The following RHOU variants were observed in gnomAD, a reference collection of about 807,000 sequenced individuals.
RHOU encodes rho-related GTP-binding protein RhoU.
Under a neutral mutation model 12.6 loss-of-function variants are expected in RHOU, and 8 were observed. That is an observed-to-expected ratio of 0.64 (90% CI 0.37 to 1.15). The LOEUF (loss-of-function observed/expected upper bound fraction) is 1.15, where lower values mean the gene tolerates loss of function less well. Ranked by LOEUF, RHOU falls within the 50% of genes most tolerant of loss-of-function variation. The pLI is 0.01. For synonymous variants in RHOU, 161 were observed against 147.4 expected (o/e 1.09, Z -0.67); for missense variants, 258 against 347.0 (o/e 0.74, Z 2.04).
chr1:228,707,467 G>C, the RHOU span, among the ~76,000 whole-genome samples: 2 of 151,214 alleles, frequency 1.3e-5, no homozygotes, highest in Admixed American at 6.6e-5. Context: ...ATCTGAGAAC[G>C]GGCAGACTGC....
chr1:228,690,837 C>T, the RHOU span, among the ~76,000 whole-genome samples: 3,094 of 151,646 alleles, frequency 0.02, 106 homozygotes, highest in African/African-American at 0.071. Context: ...AGGCTGGTCT[C>T]GAACTCTTGA....
At chr1:228,662,934 TA>T in the RHOU span, among the ~76,000 whole-genome samples, 1 of 152,080 alleles carries the variant, frequency 6.6e-6, no homozygotes, top group Non-Finnish European at 1.5e-5. Context: ...TATTTCTGTT[TA>T]AATCACCATT....
the RHOU span, among the ~76,000 whole-genome samples, chr1:228,708,669 G>A: frequency 6.6e-6 from 1 of 151,854 alleles, no homozygotes; most frequent in African/African-American, 2.4e-5. Context: ...CACTAAACAT[G>A]GAAAGGAACA....
the RHOU span, among the ~76,000 whole-genome samples, chr1:228,686,942 G>A: frequency 6.6e-6 from 1 of 152,042 alleles, no homozygotes; most frequent in Non-Finnish European, 1.5e-5. Context: ...ATTTCACCAT[G>A]TTGGCCAGGC....
the RHOU span, among the ~76,000 whole-genome samples, chr1:228,702,865 G>GT: frequency 6.6e-6 from 1 of 152,112 alleles, no homozygotes; most frequent in Non-Finnish European, 1.5e-5. Context: ...CTTTCAAATA[G>GT]TTTTTCTTTT....
At chr1:228,671,712 C>CAAAAA in the RHOU span, among the ~76,000 whole-genome samples, 17 of 65,236 alleles carry the variant, frequency 2.6e-4, no homozygotes, top group African/African-American at 4.1e-4. Context: ...GACTCCATCT[C>CAAAAA]AAAAAAAAAA....
At chr1:228,687,758 G>A in the RHOU span, 25 of 1,399,702 alleles carry the variant, frequency 1.8e-5, no homozygotes, top group East Asian at 1.8e-4. Context: ...AGATGGGAGC[G>A]CCCGAATCTG....
the RHOU span, among the ~76,000 whole-genome samples, chr1:228,657,316 G>C: frequency 2.1e-5 from 2 of 94,002 alleles, no homozygotes; most frequent in Admixed American, 2.1e-4. Flanking sequence ...AAAAGAAAAA[G>C]AATAAAAAAA....
chr1:228,745,546 ATTAATCT>A lies in RHOU; in HGVS notation c.*1811_*1817del, dbSNP rs760914883. On this transcript the variant is annotated 3_prime_UTR_variant, in exon 3 of 3. Coordinates refer to ENST00000366691, the MANE Select transcript of RHOU (RefSeq NM_021205.6). ...AACAAATTTCTTTGTTTAACAAAAGATTAATCTTTAAACCACTAAAATACATAGACTG... is the reference window on the plus strand; with the variant it reads ...AACAAATTTCTTTGTTTAACAAAAGATTAAACCACTAAAATACATAGACTG... 1.3e-5 allele frequency: 2 copies of A among 152,268 alleles called. No individual in the cohort carries two copies. The highest frequency in any genetic ancestry group is 2.9e-5 in the Non-Finnish European group (2 of 68,048). 9.4% of individuals were successfully genotyped at this position (152,268 alleles called of 1,614,324 possible).
the RHOU span, among the ~76,000 whole-genome samples, chr1:228,660,831 G>T: frequency 1.3e-5 from 2 of 151,660 alleles, no homozygotes; most frequent in Non-Finnish European, 2.9e-5. Flanking sequence ...TAGTCAGGAG[G>T]CTGAGGCAGG....
chr1:228,712,831 ATAAAATAAAAT>A, the RHOU span, among the ~76,000 whole-genome samples: 14 of 71,448 alleles, frequency 2.0e-4, no homozygotes, highest in African/African-American at 6.6e-4. Context: ...AAATAAATAA[ATAAAATAAAAT>A]AAAATAAAAT....
the RHOU span, among the ~76,000 whole-genome samples, chr1:228,711,145 A>G: frequency 1.3e-5 from 2 of 151,620 alleles, no homozygotes; most frequent in African/African-American, 4.9e-5. Flanking sequence ...ACCACTGCTC[A>G]AGGAAATAAA....
At chr1:228,663,631 T>TTC in the RHOU span, among the ~76,000 whole-genome samples, 4 of 131,240 alleles carry the variant, frequency 3.0e-5, no homozygotes, top group African/African-American at 8.6e-5. Flanking sequence ...TTTTCTTTTT[T>TTC]TTTTTTTTTT....
chr1:228,707,310 C>A, the RHOU span, among the ~76,000 whole-genome samples: 6 of 133,158 alleles, frequency 4.5e-5, no homozygotes, highest in Non-Finnish European at 9.4e-5. Flanking sequence ...GTATAAAATA[C>A]CCAAAGCAGA....
chr1:228,687,380 A>G, the RHOU span: 1 of 900,990 alleles, frequency 1.1e-6, no homozygotes, highest in Non-Finnish European at 1.8e-6. Flanking sequence ...GGTACAACTT[A>G]TAGAAAAGGT....
the RHOU span, among the ~76,000 whole-genome samples, chr1:228,712,117 T>C: frequency 5.0e-4 from 76 of 151,892 alleles, 1 homozygote; most frequent in East Asian, 5.1e-3. Context: ...GAGATACCAT[T>C]TCACACCAGT....
chr1:228,744,548 C>G lies in RHOU; in HGVS notation c.*808C>G, dbSNP rs868025749. 6.6e-6 allele frequency: 1 copy of G among 152,192 alleles called. No individual in the cohort carries two copies. Among genetic ancestry groups the G allele is most frequent in the Non-Finnish European group, 1.5e-5 (1 of 68,048 alleles). The allele number at this position is 152,192 out of a possible 1,614,324, so 9.4% of individuals were successfully genotyped here. A position where few individuals can be genotyped will look rare whatever the true frequency, so the allele number is the denominator to read the frequency against. ...GACATTTGCTTTCGGTACTGTAATA[C>G]GTGCACCAAACTGCCTCAATCCTAG... On this transcript the variant is annotated 3_prime_UTR_variant, in exon 3 of 3. Coordinates refer to ENST00000366691, the MANE Select transcript of RHOU (RefSeq NM_021205.6).
the RHOU span, among the ~76,000 whole-genome samples, chr1:228,721,702 C>T: frequency 1.3e-5 from 2 of 152,208 alleles, no homozygotes; most frequent in Non-Finnish European, 2.9e-5. Context: ...CTCTGGTTGC[C>T]CAAGCTGGAG....
chr1:228,707,972 T>C, the RHOU span, among the ~76,000 whole-genome samples: 3 of 152,144 alleles, frequency 2.0e-5, no homozygotes, highest in Non-Finnish European at 2.9e-5. Flanking sequence ...AAGGAGCTGA[T>C]GGAGCTGAAA....
Sources: gnomAD v4.1 joint callset for allele counts (sites outside exome capture counted in the v4.1 genomes callset) on GRCh38, gnomAD v4.1.1 for gene constraint, MANE v1.5 for transcripts, NCBI Gene and HGNC (gene_info 2026-07-23, HGNC 2026-07-21) for gene names.